The following MAML3 variants were observed in gnomAD, a reference collection of about 807,000 sequenced individuals.
MAML3 encodes mastermind like transcriptional coactivator 3, also known as mastermind-like protein 3.
Under a neutral mutation model 101.9 loss-of-function variants are expected in MAML3, and 27 were observed. That is an observed-to-expected ratio of 0.27 (90% CI 0.20 to 0.37). The LOEUF is 0.37. Ranked by LOEUF, MAML3 falls within the 10% of genes least tolerant of loss-of-function variation. MAML3 has a pLI of 1.00. For synonymous variants in MAML3, 501 were observed against 555.9 expected, an observed-to-expected ratio of 0.90 and a Z score of 1.39; for missense variants, 1,316 against 1,444.9, an observed-to-expected ratio of 0.91 and a Z score of 1.45.
intron 1 of MAML3, among the ~76,000 whole-genome samples, chr4:140,087,863 C>T (rs185007453): frequency 3.2e-4 from 48 of 152,184 alleles, no homozygotes; most frequent in East Asian, 7.7e-4. Flanking sequence ...CAACTCTTTA[C>T]GATGAAAAAC....
Position 139,719,348 on chromosome 4 carries a change from A to G in MAML3, c.3392T>C (p.Leu1131Pro). ...GGPGDEWMQE[L>P]DELFGNP ...TTAGGGGTTACCAAACAATTCATCA[A>G]GCTCCTGCATCCACTCGTCCCCTGG... Residue 1131 changes from leucine (L) to proline (P), a missense_variant, in exon 5 of 5, where the codon CTT becomes CCT. Coordinates refer to ENST00000509479, the MANE Select transcript of MAML3 (RefSeq NM_018717.5). The G allele has an allele frequency of 6.3e-7, 1 of 1,598,458 alleles. No homozygotes were observed. Among genetic ancestry groups the G allele is most frequent in the Non-Finnish European group, 8.5e-7 (1 of 1,170,206 alleles).
At chr4:140,051,148 T>C (rs1024374302) in intron 1 of MAML3, among the ~76,000 whole-genome samples, 2 of 152,184 alleles carry the variant, frequency 1.3e-5, no homozygotes, top group African/African-American at 2.4e-5. Context: ...TCTATAAGTC[T>C]AGGAAGGGCA....
chr4:139,970,298 A>G (rs1734214069), intron 1 of MAML3, among the ~76,000 whole-genome samples: 1 of 152,202 alleles, frequency 6.6e-6, no homozygotes, highest in Non-Finnish European at 1.5e-5. Context: ...GGAGAAGATG[A>G]GCAAGAAAAC....
chr4:140,107,379 G>A (rs1258605730), intron 1 of MAML3, among the ~76,000 whole-genome samples: 1 of 152,108 alleles, frequency 6.6e-6, no homozygotes, highest in African/African-American at 2.4e-5. Context: ...TCCTTTGACT[G>A]TATAAACCTT....
At chr4:140,002,078 T>C (rs763902550) in intron 1 of MAML3, among the ~76,000 whole-genome samples, 4 of 152,144 alleles carry the variant, frequency 2.6e-5, no homozygotes, top group Admixed American at 6.5e-5. Context: ...ACACTTAAAA[T>C]CTACTCTTAG....
chr4:139,997,331 T>G (rs1414126855), intron 1 of MAML3, among the ~76,000 whole-genome samples: 1 of 151,920 alleles, frequency 6.6e-6, no homozygotes, highest in Non-Finnish European at 1.5e-5. Flanking sequence ...TTGAGTTATT[T>G]TCTTCATGGT....
intron 2 of MAML3, among the ~76,000 whole-genome samples, chr4:139,888,321 G>A (rs1292430194): frequency 6.6e-6 from 1 of 152,188 alleles, no homozygotes; most frequent in Non-Finnish European, 1.5e-5. Flanking sequence ...TTAGACATGA[G>A]GGCCTCTAAA....
At chr4:139,851,320 C>G (rs1482532593) in intron 2 of MAML3, among the ~76,000 whole-genome samples, 1 of 152,230 alleles carries the variant, frequency 6.6e-6, no homozygotes, top group African/African-American at 2.4e-5. Context: ...ACAGATATAA[C>G]ACGCCACCTG....
rs141345542 is a variant in MAML3, at chr4:139,799,223, C to T, written c.2080-68556G>A. The stretch of plus-strand genomic sequence containing the variant: ...AGTACTGCCATTTTTTTGTGAAGTA[C>T]TACACATAATTAAGCGACCAACTTC... On this transcript the variant is annotated intron_variant, in intron 2 of 4. Coordinates refer to ENST00000509479, the MANE Select transcript of MAML3 (RefSeq NM_018717.5). Among the ~76,000 whole-genome samples, 403 of 152,264 alleles carry T rather than the reference C, an allele frequency of 2.6e-3. 1 individual carries two copies. Among genetic ancestry groups the T allele is most frequent in the African/African-American group, 9.1e-3 (377 of 41,554 alleles).
Position 139,736,816 on chromosome 4 carries a change from T to C in MAML3, c.2080-6149A>G, listed in dbSNP as rs755938625. On this transcript the variant is annotated intron_variant, in intron 2 of 4. Transcript: ENST00000509479. Reference sequence around the variant, plus strand: ...GGTTACGATGTCCCATAGAGAATCATTGGGGCAAATAATCCTGTGCCCTGA... The same window carrying C: ...GGTTACGATGTCCCATAGAGAATCACTGGGGCAAATAATCCTGTGCCCTGA... Among the ~76,000 whole-genome samples, 9 of 152,164 alleles carry C rather than the reference T, an allele frequency of 5.9e-5. No homozygotes were observed. The South Asian group carries it at 6.2e-4, about 11-fold the overall frequency.
At chr4:139,863,342 CCTT>C (rs1560817522) in intron 2 of MAML3, among the ~76,000 whole-genome samples, 1 of 106,318 alleles carries the variant, frequency 9.4e-6, no homozygotes, top group African/African-American at 2.7e-5. Context: ...TTTCCTGTGC[CCTT>C]TTTTTTTTTT....
At position 139,785,355 on chromosome 4, in the gene MAML3, G is replaced by T. The variant is rs540174667; in HGVS notation, c.2080-54688C>A. 6.6e-6 allele frequency among the ~76,000 whole-genome samples: 1 copy of T among 152,214 alleles called. No individual in the cohort carries two copies. ...TAGGGCTCTGGGCAGAAAATAAAAT[G>T]ACAGCAGAGCTGTATTCCTAATTCC... is the stretch of plus-strand genomic sequence containing the variant. On this transcript the variant is annotated intron_variant, in intron 2 of 4. Coordinates refer to ENST00000509479, the MANE Select transcript of MAML3 (RefSeq NM_018717.5). The surrounding 1 kb of genome is among the most constrained non-coding windows in gnomAD (Gnocchi z 4.3).
chr4:140,023,085 T>C (rs1470992840), intron 1 of MAML3, among the ~76,000 whole-genome samples: 1 of 152,192 alleles, frequency 6.6e-6, no homozygotes, highest in Non-Finnish European at 1.5e-5. Flanking sequence ...GTATAATATA[T>C]GGAACCCAGG....
intron 1 of MAML3, among the ~76,000 whole-genome samples, chr4:139,912,976 A>G (rs17310858): frequency 0.026 from 4,015 of 152,358 alleles, 62 homozygotes; most frequent in South Asian, 0.052. Context: ...GCAGTAGGAC[A>G]AGGTCATCCT....
At chr4:139,925,976 G>A (rs192656499) in intron 1 of MAML3, among the ~76,000 whole-genome samples, 2 of 152,022 alleles carry the variant, frequency 1.3e-5, no homozygotes, top group East Asian at 1.9e-4. Flanking sequence ...GGCAGCCCAC[G>A]GTCCTGCTCA....
intron 2 of MAML3, among the ~76,000 whole-genome samples, chr4:139,873,855 T>C (rs1732059691): frequency 6.6e-6 from 1 of 152,220 alleles, no homozygotes; most frequent in Non-Finnish European, 1.5e-5. Context: ...GCTCCTGCAT[T>C]CCCTTGAAAA....
At chr4:140,067,026 A>G (rs1390425069) in intron 1 of MAML3, among the ~76,000 whole-genome samples, 1 of 152,246 alleles carries the variant, frequency 6.6e-6, no homozygotes, top group Non-Finnish European at 1.5e-5. Context: ...AACCGCAACA[A>G]TAATGTTCAT....
intron 1 of MAML3, among the ~76,000 whole-genome samples, chr4:139,919,403 A>C (rs1359825858): frequency 2.0e-5 from 3 of 152,192 alleles, no homozygotes; most frequent in Admixed American, 2.0e-4. Context: ...TTTGAACTGT[A>C]ATTCTGCTGA....
In MAML3 at chr4:140,153,204, C is replaced by T. The variant is rs893546059; in HGVS notation, c.124G>A (p.Ala42Thr). ...GCCGGGTGATTGCTACTCGGAGCAG[C>T]GGGAGTACTATTGGGAGTATTATTC... is the stretch of plus-strand genomic sequence containing the variant. ...GVNNTPNSTP[A>T]APSSNHPAAG... is the part of the protein sequence containing the mutation. Residue 42 changes from alanine to threonine, a missense_variant, in exon 1 of 5, where the codon GCT becomes ACT. By Grantham distance (58) the Ala-to-Thr change is moderately conservative. Coordinates refer to ENST00000509479, the MANE Select transcript of MAML3 (RefSeq NM_018717.5). 6.4e-7 allele frequency: 1 copy of T among 1,558,372 alleles called. No individual in the cohort carries two copies. Among genetic ancestry groups the T allele is most frequent in the Non-Finnish European group, 8.7e-7 (1 of 1,150,680 alleles).
Sources: gnomAD v4.1 joint callset for allele counts (sites outside exome capture counted in the v4.1 genomes callset) on GRCh38, gnomAD v4.1.1 for gene constraint, Gnocchi (gnomAD v3.1) non-coding constraint, MANE v1.5 for transcripts, NCBI Gene and HGNC (gene_info 2026-07-23, HGNC 2026-07-21) for gene names.